Variants in PDZD2 observed in about 807,000 individuals in gnomAD.
PDZD2 encodes PDZ domain-containing protein 2.
PDZD2 carries 90 observed loss-of-function variants against 220.7 expected under a neutral mutation model. The observed-to-expected ratio is 0.41, with a 90% CI of 0.34 to 0.49. PDZD2 has a LOEUF of 0.49. Ranked by LOEUF, PDZD2 falls within the 20% of genes least tolerant of loss-of-function variation. The pLI is 0.28. For synonymous variants in PDZD2, 1,375 were observed against 1,450.5 expected (o/e 0.95, Z 1.18); for missense variants, 3,174 against 3,608.5 (o/e 0.88, Z 3.08).
intron 1 of PDZD2, among the ~76,000 whole-genome samples, chr5:31,676,851 G>T (rs1746448608): frequency 6.6e-6 from 1 of 152,006 alleles, no homozygotes; most frequent in Non-Finnish European, 1.5e-5. Flanking sequence ...ACCACGGCCG[G>T]CCCTGTAGAA....
intron 2 of PDZD2, among the ~76,000 whole-genome samples, chr5:31,863,339 A>T (rs1175638356): frequency 6.6e-6 from 1 of 152,218 alleles, no homozygotes; most frequent in Non-Finnish European, 1.5e-5. Flanking sequence ...ATATTTTTGT[A>T]GCTTTTCCCA....
chr5:31,750,926 G>T (rs1750922716), intron 1 of PDZD2, among the ~76,000 whole-genome samples: 1 of 152,102 alleles, frequency 6.6e-6, no homozygotes. Context: ...GGTATGAAGG[G>T]ATGCCATTTG....
intron 1 of PDZD2, among the ~76,000 whole-genome samples, chr5:31,719,305 T>G (rs1301804925): frequency 6.6e-6 from 1 of 152,130 alleles, no homozygotes; most frequent in Non-Finnish European, 1.5e-5. Flanking sequence ...AAGTGTGCAA[T>G]CTATTAGGTA....
intron 1 of PDZD2, among the ~76,000 whole-genome samples, chr5:31,765,646 A>T (rs1046915580): frequency 9.2e-5 from 14 of 152,172 alleles, no homozygotes; most frequent in Non-Finnish European, 1.6e-4. Context: ...AAACTAGCAG[A>T]GGCGCATCCC....
At chr5:31,735,657 T>C (rs1009150918) in intron 1 of PDZD2, among the ~76,000 whole-genome samples, 2 of 151,536 alleles carry the variant, frequency 1.3e-5, no homozygotes, top group African/African-American at 4.8e-5. Context: ...AAAATTAGCC[T>C]GATATGCACC....
At chr5:32,049,918 G>T (rs1448566271) in intron 8 of PDZD2, among the ~76,000 whole-genome samples, 1 of 152,154 alleles carries the variant, frequency 6.6e-6, no homozygotes, top group Admixed American at 6.5e-5. Context: ...AACATTGGAA[G>T]ATGGCCTGTC....
chr5:31,803,872 TA>T (rs1048771162), intron 2 of PDZD2, among the ~76,000 whole-genome samples: 2 of 151,774 alleles, frequency 1.3e-5, no homozygotes, highest in African/African-American at 4.8e-5. Flanking sequence ...CCCATCTCTA[TA>T]AAAAAATTTT....
At chr5:31,807,336 T>A (rs1580795535) in intron 2 of PDZD2, among the ~76,000 whole-genome samples, 3 of 152,256 alleles carry the variant, frequency 2.0e-5, no homozygotes, top group South Asian at 4.1e-4. Context: ...GGGTGTGTGA[T>A]GGGGGCAGGT....
chr5:31,859,200 C>A (rs1370891657), intron 2 of PDZD2, among the ~76,000 whole-genome samples: 1 of 152,128 alleles, frequency 6.6e-6, no homozygotes, highest in Non-Finnish European at 1.5e-5. Context: ...AAAAACATAG[C>A]CTTCAAATTT....
intron 2 of PDZD2, among the ~76,000 whole-genome samples, chr5:31,917,746 A>G (rs1225330088): frequency 1.3e-5 from 2 of 151,766 alleles, no homozygotes; most frequent in African/African-American, 2.4e-5. Context: ...TGGTTTTTTT[A>G]TTTTTATTTT....
At chr5:31,701,470 G>C (rs1747607306) in intron 1 of PDZD2, among the ~76,000 whole-genome samples, 2 of 152,158 alleles carry the variant, frequency 1.3e-5, no homozygotes, top group Admixed American at 1.3e-4. Flanking sequence ...TCGGATTACA[G>C]GTGTGAGCCA....
chr5:31,864,645 G>A (rs983769031), intron 2 of PDZD2, among the ~76,000 whole-genome samples: 3 of 151,384 alleles, frequency 2.0e-5, no homozygotes, highest in Admixed American at 6.6e-5. Flanking sequence ...TCAGCCTCCC[G>A]AGTAGCTGGG....
intron 21 of PDZD2, among the ~76,000 whole-genome samples, chr5:32,097,070 G>A (rs778207276): frequency 1.2e-4 from 18 of 151,708 alleles, no homozygotes; most frequent in African/African-American, 2.7e-4. Flanking sequence ...CAAGAGATCC[G>A]CCCCCTTGGC....
chr5:31,935,404 G>C (rs927513040), intron 2 of PDZD2, among the ~76,000 whole-genome samples: 4 of 152,098 alleles, frequency 2.6e-5, no homozygotes, highest in African/African-American at 9.7e-5. Context: ...TCTATTTCCT[G>C]ATAAAACCTT....
intron 1 of PDZD2, among the ~76,000 whole-genome samples, chr5:31,766,648 T>A (rs1158869275): frequency 6.6e-6 from 1 of 152,116 alleles, no homozygotes; most frequent in Non-Finnish European, 1.5e-5. Context: ...CGCCTCAGCC[T>A]CCCAAAGTGC....
chr5:31,865,853 G>C (rs538228005), intron 2 of PDZD2, among the ~76,000 whole-genome samples: 3 of 150,500 alleles, frequency 2.0e-5, no homozygotes, highest in Admixed American at 6.6e-5. Context: ...GGATGGTCTC[G>C]ATCTCCTGAC....
intron 8 of PDZD2, among the ~76,000 whole-genome samples, chr5:32,050,773 A>C (rs954971243): frequency 6.6e-6 from 1 of 152,178 alleles, no homozygotes; most frequent in Non-Finnish European, 1.5e-5. Flanking sequence ...GTGAGCTGTG[A>C]TCACGCCACT....
chr5:32,028,619 A>G (rs1176401816), intron 6 of PDZD2, among the ~76,000 whole-genome samples: 1 of 150,236 alleles, frequency 6.7e-6, no homozygotes, highest in Non-Finnish European at 1.5e-5. Context: ...AAAGCCCTTA[A>G]TGGCCTCCTT....
Position 31,773,105 on chromosome 5 carries a change from C to T in PDZD2, c.-360-25784C>T, listed in dbSNP as rs933750121. 3.9e-5 allele frequency among the ~76,000 whole-genome samples: 6 copies of T among 152,062 alleles called. No individual in the cohort carries two copies. In the East Asian group the frequency reaches 9.6e-4, roughly 24 times the overall value. On this transcript the variant is annotated intron_variant, in intron 1 of 24. Coordinates refer to ENST00000438447, the MANE Select transcript of PDZD2 (RefSeq NM_178140.4). ...CATGTCTGTAACACCAACATTCACC[C>T]GACAGTCAAAAGTCGTTGGTACAGG...
Sources: gnomAD v4.1 joint callset for allele counts (sites outside exome capture counted in the v4.1 genomes callset) on GRCh38, gnomAD v4.1.1 for gene constraint, MANE v1.5 for transcripts, NCBI Gene and HGNC (gene_info 2026-07-23, HGNC 2026-07-21) for gene names.